TRPM7: variants seen among roughly 807,000 people sequenced by gnomAD.
TRPM7 encodes transient receptor potential cation channel subfamily M member 7.
TRPM7 carries 134 observed loss-of-function variants against 229.7 expected under a neutral mutation model. The ratio of observed to expected loss-of-function variants is 0.58; its 90% CI spans 0.51 to 0.67. The LOEUF (loss-of-function observed/expected upper bound fraction) is 0.67. TRPM7 is among the 30% of genes least tolerant of loss of function. The pLI is 0.00. For missense variants in TRPM7, 1,901 were observed against 2,210.0 expected, an observed-to-expected ratio of 0.86 and a Z score of 2.80; for synonymous variants, 699 against 715.2, an observed-to-expected ratio of 0.98 and a Z score of 0.36.
In TRPM7 at chr15:50,594,460, T is replaced by C; in HGVS notation, c.3444A>G (p.Arg1148=). 1 of 1,611,906 alleles carries C rather than the reference T, an allele frequency of 6.2e-7. No homozygotes were observed. The highest frequency in any genetic ancestry group is 8.5e-7 in the Non-Finnish European group (1 of 1,179,390). The change falls in exon 24 of 39, where the codon AGA becomes AGG. Residue 1148 remains arginine (R), a synonymous_variant. Transcript: ENST00000646667. ...CATCGGAAGTCTTATCTTTCTTTCT[T>C]CTCTTACATATGCAGCAAAACAGAG... ...IVSLFCCICK[R]RKKDKTSDGP... is the part of the protein sequence containing the mutation.
At chr15:50,570,770 G>A (rs895239533) in intron 36 of TRPM7, among the ~76,000 whole-genome samples, 5 of 150,620 alleles carry the variant, frequency 3.3e-5, no homozygotes, top group East Asian at 1.9e-4. Context: ...CGGGAGAATC[G>A]CTTGAACCTG....
At chr15:50,626,388 A>G (rs1177954194) in intron 11 of TRPM7, among the ~76,000 whole-genome samples, 1 of 152,106 alleles carries the variant, frequency 6.6e-6, no homozygotes, top group Non-Finnish European at 1.5e-5. Context: ...ACAAAATCTT[A>G]ATTTTCATAT....
intron 1 of TRPM7, among the ~76,000 whole-genome samples, chr15:50,685,836 C>T (rs879355021): frequency 1.3e-5 from 2 of 152,146 alleles, no homozygotes; most frequent in East Asian, 3.9e-4. Flanking sequence ...TTCTCTGGGG[C>T]AAGGGATGCG....
At chr15:50,672,179 G>C (rs1049243505) in intron 1 of TRPM7, among the ~76,000 whole-genome samples, 1 of 151,930 alleles carries the variant, frequency 6.6e-6, no homozygotes, top group Non-Finnish European at 1.5e-5. Flanking sequence ...TCAGCCTCCT[G>C]AGCAGCTGGG....
chr15:50,634,534 C>T lies in TRPM7; in HGVS notation c.855G>A (p.Val285=), dbSNP rs762325187. The T allele has an allele frequency of 6.6e-7, 1 of 1,503,800 alleles. No individual in the cohort carries two copies. The highest frequency in any genetic ancestry group is 8.9e-7 in the Non-Finnish European group (1 of 1,129,890). 93.2% of individuals were successfully genotyped at this position (1,503,800 alleles called of 1,614,324 possible). Residue 285 remains valine (V), a synonymous_variant, in exon 8 of 39, where the codon GTG becomes GTA. Coordinates refer to ENST00000646667, the MANE Select transcript of TRPM7 (RefSeq NM_017672.6). ...GCCCACCCTCAAATATAAGTGCCAC[C>T]ACAGGGACACCCTGGCCAATCCCTA... ...IHARIGQGVP[V]VALIFEGGPN... is the part of the protein sequence containing the mutation.
chr15:50,680,964 T>C lies in TRPM7; in HGVS notation c.3+5567A>G, dbSNP rs150173358. On this transcript the variant is annotated intron_variant, in intron 1 of 38. Coordinates refer to ENST00000646667, the MANE Select transcript of TRPM7 (RefSeq NM_017672.6). ...AGAATTTTCCTGCGGGATTAATATATGTAAAGTGTCGGGCGAGGTGGCTCA... is the reference window on the plus strand; with the variant it reads ...AGAATTTTCCTGCGGGATTAATATACGTAAAGTGTCGGGCGAGGTGGCTCA... Among the ~76,000 whole-genome samples the C allele has an allele frequency of 8.8e-3, 1,341 of 152,180 alleles. 20 individuals carry two copies. The highest frequency in any genetic ancestry group is 0.031 in the African/African-American group (1,270 of 41,534).
chr15:50,570,677 TAAAAAAAAAAAAA>T (rs149970874), intron 36 of TRPM7, among the ~76,000 whole-genome samples: 3 of 91,748 alleles, frequency 3.3e-5, no homozygotes, highest in South Asian at 3.7e-4. Flanking sequence ...ACTTCATTCC[TAAAAAAAAAAAAA>T]AAAAAAAAAA....
Position 50,561,760 on chromosome 15 carries a change from T to C in TRPM7, c.5516A>G (p.Asp1839Gly). The C allele has an allele frequency of 1.2e-6, 2 of 1,612,826 alleles. No homozygotes were observed. The highest frequency in any genetic ancestry group is 1.7e-6 in the Non-Finnish European group (2 of 1,179,670). ...CTGAAGATTCAAATCTGAAGGCTCA[T>C]CCTGAGGAAATATAATTTTATCAGG... ...YTPDKIIFPQ[D>G]EPSDLNLQPG... Residue 1839 changes from aspartate to glycine, a missense_variant, in exon 39 of 39, where the codon GAT (aspartate) becomes GGT (glycine). Coordinates refer to ENST00000646667, the MANE Select transcript of TRPM7 (RefSeq NM_017672.6).
At chr15:50,667,090 C>T (rs1374504528) in intron 1 of TRPM7, among the ~76,000 whole-genome samples, 1 of 151,994 alleles carries the variant, frequency 6.6e-6, no homozygotes, top group Non-Finnish European at 1.5e-5. Flanking sequence ...TGAGGAGACC[C>T]CCAACCCAAA....
At chr15:50,596,228 T>C in intron 23 of TRPM7, 27 bp downstream of exon 23, 2 of 1,418,306 alleles carry the variant, frequency 1.4e-6, no homozygotes, top group Non-Finnish European at 1.9e-6. Context: ...AATCATCTTA[T>C]AACAAACAAT....
chr15:50,668,411 G>A (rs1378297618), intron 1 of TRPM7, among the ~76,000 whole-genome samples: 3 of 152,180 alleles, frequency 2.0e-5, no homozygotes, highest in Non-Finnish European at 4.4e-5. Flanking sequence ...GTATACTCCT[G>A]TGGACAAAAT....
intron 38 of TRPM7, among the ~76,000 whole-genome samples, chr15:50,568,261 T>C (rs1361624504): frequency 6.6e-6 from 1 of 151,830 alleles, no homozygotes; most frequent in East Asian, 1.9e-4. Context: ...AAATTATGTT[T>C]ACTCTCACTA....
chr15:50,657,955 G>A (rs72740459), intron 2 of TRPM7, 136 bp from the exon 3 acceptor site: 122,675 of 559,478 alleles, frequency 0.22, 15,168 homozygotes, highest in East Asian at 0.41. Context: ...TATAGTTCAC[G>A]TATACCTTGA....
intron 4 of TRPM7, among the ~76,000 whole-genome samples, chr15:50,646,660 G>A (rs1022937397): frequency 2.6e-5 from 4 of 152,154 alleles, no homozygotes; most frequent in Non-Finnish European, 1.5e-5. Flanking sequence ...GCTGACAAGA[G>A]CACATAAGTC....
Position 50,624,276 on chromosome 15 carries a change from G to C in TRPM7, c.1330C>G (p.Leu444Val). The change falls in exon 12 of 39, where the codon CTT becomes GTT. Residue 444 changes from leucine to valine, a missense_variant. Coordinates refer to ENST00000646667, the MANE Select transcript of TRPM7 (RefSeq NM_017672.6). ...ACTCTATCCATTACAAGAGCATCAA[G>C]CATAGCTTGTTCCAAGGATCCAACC... ...WLVGSLEQAMLDALVMDRVAF... is the reference protein window; with the variant it reads ...WLVGSLEQAMVDALVMDRVAF... 3 of 1,608,158 alleles carry C rather than the reference G, an allele frequency of 1.9e-6. No homozygotes were observed. The highest frequency in any genetic ancestry group is 1.3e-5 in the African/African-American group (1 of 74,758).
chr15:50,628,776 G>C (rs1407074009), intron 10 of TRPM7, among the ~76,000 whole-genome samples: 23 of 152,176 alleles, frequency 1.5e-4, no homozygotes, highest in Non-Finnish European at 1.3e-4. Flanking sequence ...TAGAAATGCA[G>C]AAAAATGAGA....
intron 11 of TRPM7, among the ~76,000 whole-genome samples, chr15:50,627,209 C>A (rs556323528): frequency 6.6e-6 from 1 of 152,184 alleles, no homozygotes; most frequent in East Asian, 1.9e-4. Context: ...AGAAAGTTTA[C>A]TTTCTAGGAG....
In TRPM7 at chr15:50,686,756, G is replaced by C. The variant is rs979395593; in HGVS notation, c.-223C>G. ...ACTCCTCCGGGTGACTGGCCACAGGGACGCGCCCGCGCCCGCCTCCGCCGG... is the reference window on the plus strand; with the variant it reads ...ACTCCTCCGGGTGACTGGCCACAGGCACGCGCCCGCGCCCGCCTCCGCCGG... On this transcript the variant is annotated 5_prime_UTR_variant, in exon 1 of 39. Transcript: ENST00000646667. 176 of 521,530 alleles carry C rather than the reference G, an allele frequency of 3.4e-4. No homozygotes were observed. The highest frequency in any genetic ancestry group is 3.5e-5 in the Non-Finnish European group (11 of 314,200). 32.3% of individuals were successfully genotyped at this position (521,530 alleles called of 1,614,324 possible).
intron 38 of TRPM7, among the ~76,000 whole-genome samples, chr15:50,563,849 T>A (rs978146978): frequency 6.6e-6 from 1 of 152,166 alleles, no homozygotes; most frequent in African/African-American, 2.4e-5. Context: ...GTATTTTATG[T>A]GTAGCCCAAG....
Sources: allele counts gnomAD v4.1 joint callset (sites outside exome capture counted in the v4.1 genomes callset), GRCh38; gene constraint gnomAD v4.1.1; transcripts MANE v1.5; gene names NCBI Gene and HGNC (gene_info 2026-07-23, HGNC 2026-07-21).